The following PCM1 variants were observed in gnomAD, a reference collection of about 807,000 sequenced individuals.
PCM1 encodes the protein pericentriolar material 1.
A neutral mutation model predicts 241.9 loss-of-function variants in PCM1; 157 were observed. That is an observed-to-expected ratio of 0.65 (90% CI 0.57 to 0.74). PCM1 has a LOEUF of 0.74. Among genes scored for constraint, PCM1 ranks in the 30% least tolerant of loss-of-function variants. PCM1 has a pLI of 0.00. For missense variants in PCM1, 3,478 were observed against 2,360.1 expected, an observed-to-expected ratio of 1.47 and a Z score of -9.81; for synonymous variants, 1,085 against 784.9, an observed-to-expected ratio of 1.38 and a Z score of -6.39.
chr8:18,026,243 T>C (rs111986287), intron 38 of PCM1, among the ~76,000 whole-genome samples: 9,550 of 121,864 alleles, frequency 0.078, 547 homozygotes, highest in East Asian at 0.29. Flanking sequence ...AAAAATATTA[T>C]AAATAGCAAA....
chr8:18,011,155 CATT>C (rs1301487273), intron 32 of PCM1, 79 bp from the exon 33 acceptor site: 3 of 843,140 alleles, frequency 3.6e-6, no homozygotes, highest in Non-Finnish European at 5.1e-6. Flanking sequence ...AGATAATGAT[CATT>C]ATTAATACGA....
At position 17,957,597 on chromosome 8, in the gene PCM1, A is replaced by T. The variant is rs370280123; in HGVS notation, c.1862A>T (p.Asp621Val). ...ATTCATGTTGCACAAGGTGAAGATG[A>T]TGAGGAGGAGGAGGAAGAAGCAGAA... ...QEIHVAQGED[D>V]EEEEEEAEEE... The change falls in exon 13 of 39, where the codon GAT becomes GTT. Residue 621 changes from aspartate to valine, a missense_variant. Coordinates refer to ENST00000325083, the MANE Select transcript of PCM1 (RefSeq NM_006197.4). The T allele has an allele frequency of 1.4e-5, 22 of 1,573,688 alleles. No homozygotes were observed. In the African/African-American group the frequency reaches 2.4e-4, roughly 17 times the overall value.
chr8:18,007,835 G>C (rs1161278062), intron 30 of PCM1, among the ~76,000 whole-genome samples: 1 of 152,140 alleles, frequency 6.6e-6, no homozygotes. Context: ...AGATAAGATA[G>C]TCTTTTGGTG....
At chr8:17,975,016 A>G (rs982093266) in intron 23 of PCM1, among the ~76,000 whole-genome samples, 24 of 152,126 alleles carry the variant, frequency 1.6e-4, no homozygotes, top group African/African-American at 5.8e-4. Flanking sequence ...GCATTACATC[A>G]TCTGGGATAT....
At chr8:17,931,345 G>C (rs976350873) in intron 2 of PCM1, among the ~76,000 whole-genome samples, 11 of 151,706 alleles carry the variant, frequency 7.3e-5, no homozygotes, top group African/African-American at 2.7e-4. Flanking sequence ...CTGGAGTGCA[G>C]TGGCGTGATC....
At chr8:18,025,903 G>A (rs992982817) in intron 38 of PCM1, among the ~76,000 whole-genome samples, 8 of 151,936 alleles carry the variant, frequency 5.3e-5, no homozygotes, top group Non-Finnish European at 1.0e-4. Context: ...GGTGGCTCAC[G>A]CCTGTAATCC....
At position 17,964,670 on chromosome 8, in the gene PCM1, GGAA is replaced by G. The variant is rs767168692; in HGVS notation, c.2763_2765del (p.Glu922del). 5 of 1,613,744 alleles carry G rather than the reference GGAA, an allele frequency of 3.1e-6. No individual in the cohort carries two copies. In the Admixed American group the frequency reaches 8.3e-5, roughly 27 times the overall value. ...GAATTGTTCGGACAGATGAAGAGGA[GGAA>G]GAAGAGCAAGATGCCAGTTCCAATG... On this transcript the variant is annotated inframe_deletion, in exon 18 of 39. Transcript: ENST00000325083.
chr8:17,953,044 A>G lies in PCM1; in HGVS notation c.1146A>G (p.Lys382=), dbSNP rs776081976. ...SLTREVSQSR[K]PSASERLPDE... ...CTAGGGAGGTTTCCCAGAGCAGGAA[A>G]CCATCAGCTTCAGAACGTTTACCTG... is the stretch of plus-strand genomic sequence containing the variant. The change falls in exon 9 of 39, where the codon AAA becomes AAG. Residue 382 remains lysine, a synonymous_variant. Transcript: ENST00000325083. 1.2e-6 allele frequency: 2 copies of G among 1,608,370 alleles called. No individual in the cohort carries two copies. The highest frequency in any genetic ancestry group is 1.7e-6 in the Non-Finnish European group (2 of 1,177,022).
intron 32 of PCM1, 125 bp from the exon 33 acceptor site, chr8:18,011,112 G>A: frequency 1.8e-6 from 1 of 567,714 alleles, no homozygotes; most frequent in Non-Finnish European, 2.7e-6. Flanking sequence ...AATAAAACTA[G>A]ACTATCAAAA....
chr8:17,990,064 C>A, intron 27 of PCM1, 85 bp downstream of exon 27: 1 of 1,116,136 alleles, frequency 9.0e-7, no homozygotes. Flanking sequence ...GGAAACAAGT[C>A]TAGAAAGGCG....
At chr8:17,967,340 CTCT>C (rs940814405) in intron 21 of PCM1, among the ~76,000 whole-genome samples, 170 bp downstream of exon 21, 21 of 146,464 alleles carry the variant, frequency 1.4e-4, no homozygotes, top group African/African-American at 5.0e-4. Flanking sequence ...CGGAGTTTTA[CTCT>C]TCTTGTCCAG....
At chr8:17,930,121 T>TG (rs1491535553) in intron 2 of PCM1, among the ~76,000 whole-genome samples, 1 of 114,856 alleles carries the variant, frequency 8.7e-6, no homozygotes, top group Non-Finnish European at 1.9e-5. Context: ...TTTTTTTTTT[T>TG]GAGACAGAGT....
intron 10 of PCM1, among the ~76,000 whole-genome samples, chr8:17,956,220 G>T (rs1027651556): frequency 4.6e-5 from 7 of 152,140 alleles, no homozygotes; most frequent in Admixed American, 3.3e-4. Context: ...TACATGCTCA[G>T]TAATGTCTGT....
intron 9 of PCM1, 85 bp downstream of exon 9, chr8:17,953,271 G>A: frequency 1.5e-6 from 1 of 651,700 alleles, no homozygotes; most frequent in South Asian, 2.9e-5. Flanking sequence ...TTTGGTGAAT[G>A]AACACATAGC....
intron 2 of PCM1, chr8:17,925,101 C>G (rs1187057350): frequency 6.6e-6 from 1 of 152,222 alleles, no homozygotes; most frequent in Non-Finnish European, 1.5e-5. Context: ...GCCTCTCTTT[C>G]CAAATCCATT....
Position 17,939,673 on chromosome 8 carries a change from A to G in PCM1, c.613-18A>G. 2 of 1,456,400 alleles carry G rather than the reference A, an allele frequency of 1.4e-6. No homozygotes were observed. The highest frequency in any genetic ancestry group is 1.8e-6 in the Non-Finnish European group (2 of 1,091,296). The allele number at this position is 1,456,400 out of a possible 1,614,324, so 90.2% of individuals were successfully genotyped here. The stretch of plus-strand genomic sequence containing the variant: ...GTGTACTTTCATGCTTTTTTTAAAA[A>G]AAATATTTCCCCTGCAGATTGTAAG... On this transcript the variant is annotated intron_variant, in intron 5 of 38. Transcript: ENST00000325083.
chr8:17,976,581 G>C (rs530924876), intron 23 of PCM1, among the ~76,000 whole-genome samples: 1 of 152,314 alleles, frequency 6.6e-6, no homozygotes, highest in African/African-American at 2.4e-5. Context: ...TGCCAAGACA[G>C]CTTGCACTGT....
At chr8:17,930,800 A>C (rs2058765713) in intron 2 of PCM1, among the ~76,000 whole-genome samples, 7 of 151,984 alleles carry the variant, frequency 4.6e-5, no homozygotes, top group Admixed American at 4.6e-4. Context: ...GAATGACGTG[A>C]ACCTGGGAGG....
Position 17,962,039 on chromosome 8 carries a change from A to G in PCM1, c.2328A>G (p.Ser776=). 1.9e-6 allele frequency: 3 copies of G among 1,607,064 alleles called. No homozygotes were observed. The highest frequency in any genetic ancestry group is 2.5e-6 in the Non-Finnish European group (3 of 1,176,834). Residue 776 remains serine (S), a synonymous_variant, in exon 16 of 39, where the codon TCA becomes TCG. Coordinates refer to ENST00000325083, the MANE Select transcript of PCM1 (RefSeq NM_006197.4). ...LQTACPDLQL[S]AASVGNCPTK... ...TTTTGTGAATTCCTTTTTAGCTGTC[A>G]GCTGCTAGTGTGGGTAACTGTCCCA...
Sources: gnomAD v4.1 joint callset for allele counts (sites outside exome capture counted in the v4.1 genomes callset) on GRCh38, gnomAD v4.1.1 for gene constraint, MANE v1.5 for transcripts, NCBI Gene and HGNC (gene_info 2026-07-23, HGNC 2026-07-21) for gene names.